Variants in SUGCT observed in about 807,000 individuals in gnomAD.
SUGCT encodes the protein succinyl-CoA:glutarate-CoA transferase, also known as succinyl-CoA:glutarate CoA-transferase.
A neutral mutation model predicts 55.0 loss-of-function variants in SUGCT; 41 were observed. The observed-to-expected ratio is 0.74, with a 90% CI of 0.58 to 0.97. The LOEUF is 0.97. SUGCT is among the 50% of genes least tolerant of loss of function. SUGCT has a pLI of 0.00. For synonymous variants in SUGCT, 187 were observed against 200.4 expected, an observed-to-expected ratio of 0.93 and a Z score of 0.56; for missense variants, 568 against 547.8, an observed-to-expected ratio of 1.04 and a Z score of -0.37.
chr7:40,417,466 A>G (rs976763139), intron 9 of SUGCT, among the ~76,000 whole-genome samples: 2 of 151,762 alleles, frequency 1.3e-5, no homozygotes, highest in African/African-American at 2.4e-5. Flanking sequence ...CCTAAGGATT[A>G]TTTAGGAAAA....
chr7:40,659,428 C>T (rs1239813133), intron 12 of SUGCT, among the ~76,000 whole-genome samples: 1 of 152,136 alleles, frequency 6.6e-6, no homozygotes, highest in Non-Finnish European at 1.5e-5. Context: ...GCTGCCTGAG[C>T]GTCCTCATGA....
At chr7:40,910,281 A>G in the SUGCT span, among the ~76,000 whole-genome samples, 2 of 152,080 alleles carry the variant, frequency 1.3e-5, no homozygotes, top group Non-Finnish European at 2.9e-5. Flanking sequence ...GGTATGACAG[A>G]TGTTAGGTCA....
At chr7:40,835,925 C>A (rs1446792772) in intron 13 of SUGCT, among the ~76,000 whole-genome samples, 1 of 146,204 alleles carries the variant, frequency 6.8e-6, no homozygotes, top group East Asian at 2.0e-4. Context: ...CAGGGTCTCA[C>A]TCTGTCACCC....
At chr7:40,237,520 A>C (rs2150876795) in intron 6 of SUGCT, 115 bp from the exon 7 acceptor site, 1 of 806,286 alleles carries the variant, frequency 1.2e-6, no homozygotes, top group Middle Eastern at 2.2e-4. Flanking sequence ...TATAGATCTA[A>C]TAGTCTCGAA....
chr7:40,854,935 C>T (rs2128804269), intron 13 of SUGCT, among the ~76,000 whole-genome samples: 1 of 151,206 alleles, frequency 6.6e-6, no homozygotes, highest in Non-Finnish European at 1.5e-5. Flanking sequence ...AACCCTGTGT[C>T]TTAAAAAAAA....
intron 11 of SUGCT, among the ~76,000 whole-genome samples, chr7:40,489,409 G>C (rs1791560768): frequency 6.6e-6 from 1 of 152,142 alleles, no homozygotes; most frequent in Non-Finnish European, 1.5e-5. Context: ...GGCCAGGCGT[G>C]GTGGCTCACG....
At chr7:40,926,456 G>T in the SUGCT span, among the ~76,000 whole-genome samples, 4 of 151,884 alleles carry the variant, frequency 2.6e-5, no homozygotes, top group Non-Finnish European at 4.4e-5. Context: ...AAAGAGCAAA[G>T]ATAAAAACTT....
intron 12 of SUGCT, among the ~76,000 whole-genome samples, chr7:40,608,427 T>C (rs1252398340): frequency 6.6e-6 from 1 of 152,206 alleles, no homozygotes; most frequent in African/African-American, 2.4e-5. Context: ...TTGGGGATTA[T>C]GGTTTCAACA....
At chr7:40,456,525 G>A (rs1393516182) in intron 10 of SUGCT, among the ~76,000 whole-genome samples, 1 of 152,052 alleles carries the variant, frequency 6.6e-6, no homozygotes. Context: ...TTTTAGCAGG[G>A]CAGACAGATA....
intron 12 of SUGCT, among the ~76,000 whole-genome samples, chr7:40,686,418 A>C (rs917651166): frequency 3.3e-5 from 5 of 152,344 alleles, no homozygotes; most frequent in Admixed American, 6.5e-5. Flanking sequence ...ATTAATCTAT[A>C]TATATAAAGA....
rs536417921 is a variant in SUGCT, at chr7:40,205,364, G to A, written c.484+10304G>A. Among the ~76,000 whole-genome samples the A allele has an allele frequency of 1.1e-4, 16 of 151,514 alleles. No individual in the cohort carries two copies. In the East Asian group the frequency reaches 1.2e-3, roughly 11 times the overall value. ...TCTGTTAAAAGTGACAAAATTGGCC[G>A]GGCGCGGTGGCTCACGCCTGTAATC... is the stretch of plus-strand genomic sequence containing the variant. On this transcript the variant is annotated intron_variant, in intron 6 of 13. Coordinates refer to ENST00000335693, the MANE Select transcript of SUGCT (RefSeq NM_001193313.2).
chr7:40,930,111 A>T, the SUGCT span, among the ~76,000 whole-genome samples: 1 of 152,236 alleles, frequency 6.6e-6, no homozygotes, highest in Admixed American at 6.5e-5. Context: ...GGTGTAAAGA[A>T]GGGTACCAGT....
At chr7:40,882,033 G>A in the SUGCT span, among the ~76,000 whole-genome samples, 1 of 152,102 alleles carries the variant, frequency 6.6e-6, no homozygotes, top group African/African-American at 2.4e-5. Context: ...TTTGCTTCTA[G>A]TTTCCTTTTA....
chr7:40,235,285 TTTTA>T (rs1290468902), intron 6 of SUGCT, among the ~76,000 whole-genome samples: 2 of 152,140 alleles, frequency 1.3e-5, no homozygotes, highest in East Asian at 1.9e-4. Context: ...ACTTTTGTGG[TTTTA>T]TTTATTTACT....
At chr7:40,371,009 C>A (rs1471226811) in intron 9 of SUGCT, among the ~76,000 whole-genome samples, 1 of 152,056 alleles carries the variant, frequency 6.6e-6, no homozygotes, top group African/African-American at 2.4e-5. Context: ...CCTGGCCAGA[C>A]TCATGTAACT....
chr7:40,962,380 C>G, the SUGCT span, among the ~76,000 whole-genome samples: 1 of 151,952 alleles, frequency 6.6e-6, no homozygotes, highest in Non-Finnish European at 1.5e-5. Context: ...TCTCCAAGTC[C>G]CCACCTGACC....
chr7:40,804,752 T>C (rs1314743283), intron 13 of SUGCT, among the ~76,000 whole-genome samples: 1 of 152,180 alleles, frequency 6.6e-6, no homozygotes, highest in East Asian at 1.9e-4. Context: ...TAAATTGCCA[T>C]AATAAAAGAT....
intron 12 of SUGCT, among the ~76,000 whole-genome samples, chr7:40,523,811 A>G (rs368948234): frequency 6.6e-6 from 1 of 152,118 alleles, no homozygotes; most frequent in African/African-American, 2.4e-5. Context: ...TAACCAGTCT[A>G]TATATTTCTG....
chr7:40,516,641 C>T (rs79055124), intron 12 of SUGCT, among the ~76,000 whole-genome samples: 3,081 of 152,106 alleles, frequency 0.02, 69 homozygotes, highest in African/African-American at 0.057. Flanking sequence ...TTGTTGAAAA[C>T]CAATTCACTA....
Sources: allele counts gnomAD v4.1 joint callset (sites outside exome capture counted in the v4.1 genomes callset), GRCh38; gene constraint gnomAD v4.1.1; transcripts MANE v1.5; gene names NCBI Gene and HGNC (gene_info 2026-07-23, HGNC 2026-07-21).